The following RBFOX1 variants were observed in gnomAD, a reference collection of about 807,000 sequenced individuals.
The protein encoded by RBFOX1 is RNA binding protein fox-1 homolog 1.
A neutral mutation model predicts 57.7 loss-of-function variants in RBFOX1; 8 were observed. The ratio of observed to expected loss-of-function variants is 0.14; its 90% confidence interval spans 0.08 to 0.25. The LOEUF (loss-of-function observed/expected upper bound fraction) is 0.25. Among genes scored for constraint, RBFOX1 ranks in the 10% least tolerant of loss-of-function variants. RBFOX1 has a pLI of 1.00. For synonymous variants in RBFOX1, 326 were observed against 222.4 expected (o/e 1.47, Z -4.15); for missense variants, 611 against 548.5 (o/e 1.11, Z -1.14).
intron 2 of RBFOX1, among the ~76,000 whole-genome samples, chr16:6,426,911 T>C (rs933749879): frequency 6.6e-6 from 1 of 151,974 alleles, no homozygotes; most frequent in Non-Finnish European, 1.5e-5. Flanking sequence ...ATCCCTGGAG[T>C]CCTTTCGTTA....
chr16:5,399,604 C>T (rs2066656750), intron 1 of RBFOX1, among the ~76,000 whole-genome samples: 1 of 151,904 alleles, frequency 6.6e-6, no homozygotes, highest in Non-Finnish European at 1.5e-5. Flanking sequence ...GTGGTGGTGC[C>T]CATCTGTAGT....
chr16:5,940,230 T>G (rs141150871), intron 4 of RBFOX1, among the ~76,000 whole-genome samples: 46 of 152,284 alleles, frequency 3.0e-4, no homozygotes, highest in African/African-American at 1.1e-3. Flanking sequence ...TGTGTGACCT[T>G]AGTTAGGCAA....
intron 3 of RBFOX1, among the ~76,000 whole-genome samples, chr16:5,658,180 A>C (rs2049516970): frequency 6.6e-6 from 1 of 152,176 alleles, no homozygotes; most frequent in African/African-American, 2.4e-5. Flanking sequence ...AAATGAAGAA[A>C]GGCTCGCAGA....
intron 1 of RBFOX1, among the ~76,000 whole-genome samples, chr16:6,190,696 A>C (rs955008478): frequency 6.6e-6 from 1 of 152,300 alleles, no homozygotes; most frequent in South Asian, 2.1e-4. Flanking sequence ...CACTTGACTT[A>C]GTCTCTGTTG....
At chr16:7,097,931 T>G (rs1349817573) in intron 4 of RBFOX1, among the ~76,000 whole-genome samples, 1 of 152,188 alleles carries the variant, frequency 6.6e-6, no homozygotes, top group Non-Finnish European at 1.5e-5. Context: ...AAAGCACTTT[T>G]GGTTGAGGAT....
At position 7,623,187 on chromosome 16, in the gene RBFOX1, T is replaced by G. The variant is rs2059571407; in HGVS notation, c.677-7416T>G. 2.6e-5 allele frequency among the ~76,000 whole-genome samples: 4 copies of G among 152,190 alleles called. No homozygotes were observed. In the South Asian group the frequency reaches 8.3e-4, roughly 32 times the overall value. ...GCAAAGTATCACAGACTGGATGGCT[T>G]AACAAGCAGTTCCCAACCATTTTGG... On this transcript the variant is annotated intron_variant, in intron 10 of 15. Coordinates refer to ENST00000550418, the MANE Select transcript of RBFOX1 (RefSeq NM_018723.4).
At chr16:7,071,886 G>A (rs2057409457) in intron 4 of RBFOX1, among the ~76,000 whole-genome samples, 1 of 151,996 alleles carries the variant, frequency 6.6e-6, no homozygotes, top group South Asian at 2.1e-4. Flanking sequence ...TAATTCAGTT[G>A]TTGAGACCAG....
In RBFOX1 at chr16:7,579,586, A is replaced by G. The variant is rs569325997; in HGVS notation, c.271-191A>G. On this transcript the variant is annotated intron_variant, in intron 5 of 15. Coordinates refer to ENST00000550418, the MANE Select transcript of RBFOX1 (RefSeq NM_018723.4). ...TTTCCCACTGCCTAATCCCAGATTC[A>G]TAATGAGCACCCAGTGGACGCTCAG... Among the ~76,000 whole-genome samples the G allele has an allele frequency of 1.2e-4, 18 of 152,326 alleles. No individual in the cohort carries two copies. The South Asian group carries it at 3.7e-3, about 32-fold the overall frequency.
At chr16:7,052,274 T>C (rs576044791) in intron 4 of RBFOX1, among the ~76,000 whole-genome samples, 176 bp downstream of exon 4, 1 of 152,350 alleles carries the variant, frequency 6.6e-6, no homozygotes, top group African/African-American at 2.4e-5. Flanking sequence ...AAATACAGTA[T>C]ATCTTCTTTG....
At chr16:7,115,450 C>G (rs530845933) in intron 4 of RBFOX1, among the ~76,000 whole-genome samples, 1 of 152,202 alleles carries the variant, frequency 6.6e-6, no homozygotes, top group African/African-American at 2.4e-5. Flanking sequence ...CTCATAGTTG[C>G]TGTGGACTGA....
At chr16:7,242,378 A>T (rs972862043) in intron 4 of RBFOX1, among the ~76,000 whole-genome samples, 2 of 152,208 alleles carry the variant, frequency 1.3e-5, no homozygotes, top group African/African-American at 4.8e-5. Flanking sequence ...GCCACATGAC[A>T]GCTGTGTGAG....
At chr16:7,303,952 G>T (rs1458243240) in intron 4 of RBFOX1, among the ~76,000 whole-genome samples, 1 of 151,768 alleles carries the variant, frequency 6.6e-6, no homozygotes, top group Non-Finnish European at 1.5e-5. Flanking sequence ...GCCGGTTCTC[G>T]TGTCACCTTC....
intron 2 of RBFOX1, among the ~76,000 whole-genome samples, chr16:5,505,266 G>A (rs1271170298): frequency 2.0e-5 from 3 of 152,182 alleles, no homozygotes; most frequent in Non-Finnish European, 4.4e-5. Context: ...CGCAGGGGGC[G>A]TTGGGATAAC....
intron 1 of RBFOX1, among the ~76,000 whole-genome samples, chr16:5,446,219 T>C (rs2068235187): frequency 6.6e-6 from 1 of 151,944 alleles, no homozygotes. Flanking sequence ...CATGGAGACA[T>C]TTTTCAAGCA....
chr16:6,059,939 C>T (rs1232240463), intron 1 of RBFOX1, among the ~76,000 whole-genome samples: 1 of 151,918 alleles, frequency 6.6e-6, no homozygotes, highest in Non-Finnish European at 1.5e-5. Flanking sequence ...TAACAACATC[C>T]CCCTATGTTT....
At chr16:7,432,780 C>T (rs1038055660) in intron 4 of RBFOX1, among the ~76,000 whole-genome samples, 1 of 152,184 alleles carries the variant, frequency 6.6e-6, no homozygotes, top group Non-Finnish European at 1.5e-5. Context: ...TGGAATCTCC[C>T]CCAAGCATTC....
chr16:6,908,245 C>T (rs542421198), intron 3 of RBFOX1, among the ~76,000 whole-genome samples: 1 of 151,868 alleles, frequency 6.6e-6, no homozygotes, highest in East Asian at 1.9e-4. Context: ...TTCATCTTCT[C>T]TCCTCCAGCC....
intron 3 of RBFOX1, among the ~76,000 whole-genome samples, chr16:7,012,525 CA>C (rs1568365671): frequency 6.6e-6 from 1 of 152,176 alleles, no homozygotes; most frequent in Non-Finnish European, 1.5e-5. Flanking sequence ...GTGAGAAAAA[CA>C]AGGACATTGG....
chr16:5,560,824 G>A (rs1417221486), intron 2 of RBFOX1, among the ~76,000 whole-genome samples: 3 of 152,042 alleles, frequency 2.0e-5, no homozygotes, highest in Non-Finnish European at 4.4e-5. Flanking sequence ...CCTCCTTGTG[G>A]CATTTCACAC....
Sources: gnomAD v4.1 joint callset for allele counts (sites outside exome capture counted in the v4.1 genomes callset) on GRCh38, gnomAD v4.1.1 for gene constraint, MANE v1.5 for transcripts, NCBI Gene and HGNC (gene_info 2026-07-23, HGNC 2026-07-21) for gene names.